Variants in NCAM2 observed in about 807,000 individuals in gnomAD.
The protein encoded by NCAM2 is neural cell adhesion molecule 2.
A neutral mutation model predicts 98.1 loss-of-function variants in NCAM2; 30 were observed. The observed-to-expected ratio is 0.31, with a 90% confidence interval of 0.23 to 0.41. The LOEUF (loss-of-function observed/expected upper bound fraction) is 0.41, where lower values mean the gene tolerates loss of function less well. Ranked by LOEUF, NCAM2 falls within the 10% of genes least tolerant of loss-of-function variation. The pLI, the probability that NCAM2 is intolerant of heterozygous loss-of-function variation, is 1.00. For missense variants in NCAM2, 867 were observed against 1,005.8 expected, an observed-to-expected ratio of 0.86 and a Z score of 1.87; for synonymous variants, 368 against 342.4, an observed-to-expected ratio of 1.07 and a Z score of -0.83.
At chr21:21,337,461 G>A (rs2074903679) in intron 7 of NCAM2, among the ~76,000 whole-genome samples, 1 of 151,906 alleles carries the variant, frequency 6.6e-6, no homozygotes, top group Non-Finnish European at 1.5e-5. Context: ...TCTGTATGCT[G>A]TTTTTCTGAT....
chr21:21,481,832 A>G (rs233755), intron 15 of NCAM2, among the ~76,000 whole-genome samples: 117,336 of 152,166 alleles, frequency 0.77, 46,064 homozygotes, highest in African/African-American at 0.87. Context: ...AGCCAGGCGC[A>G]GTGGCTCACG....
At chr21:21,124,454 A>G (rs2066744863) in intron 1 of NCAM2, among the ~76,000 whole-genome samples, 1 of 152,192 alleles carries the variant, frequency 6.6e-6, no homozygotes, top group African/African-American at 2.4e-5. Context: ...AAGCTGGAGT[A>G]GGCCTCTAAA....
intron 1 of NCAM2, among the ~76,000 whole-genome samples, chr21:21,194,986 A>G (rs769908009): frequency 6.6e-6 from 1 of 152,186 alleles, no homozygotes; most frequent in African/African-American, 2.4e-5. Context: ...TGATCTGTAT[A>G]TAAATTAGAA....
At chr21:21,020,873 A>G (rs1262687867) in intron 1 of NCAM2, among the ~76,000 whole-genome samples, 1 of 152,168 alleles carries the variant, frequency 6.6e-6, no homozygotes, top group African/African-American at 2.4e-5. Flanking sequence ...AGACTTCCCT[A>G]TCTTTATACC....
chr21:21,110,648 G>A (rs908481531), intron 1 of NCAM2, among the ~76,000 whole-genome samples: 1 of 150,794 alleles, frequency 6.6e-6, no homozygotes. Flanking sequence ...TGCCTTGTAT[G>A]AGTTATTTTT....
At position 21,254,037 on chromosome 21, in the gene NCAM2, CA is replaced by C. The variant is rs1252318828; in HGVS notation, c.56-26538del. The stretch of plus-strand genomic sequence containing the variant: ...CAAAAAGGAGAATATAACAATTTGT[CA>C]AACCAAAAACTTACACCAGAAAATA... On this transcript the variant is annotated intron_variant, in intron 1 of 17. Transcript: ENST00000400546. Among the ~76,000 whole-genome samples, 6 of 152,224 alleles carry C rather than the reference CA, an allele frequency of 3.9e-5. No individual in the cohort carries two copies. The East Asian group carries it at 1.2e-3, about 29-fold the overall frequency.
At chr21:21,388,577 C>A (rs142115867) in intron 9 of NCAM2, among the ~76,000 whole-genome samples, 1 of 152,270 alleles carries the variant, frequency 6.6e-6, no homozygotes, top group African/African-American at 2.4e-5. Flanking sequence ...AGTCCGGCAG[C>A]CACTTGTTAC....
intron 1 of NCAM2, among the ~76,000 whole-genome samples, chr21:21,136,622 T>TG (rs11381078): frequency 0.4 from 60,122 of 148,810 alleles, 12,689 homozygotes; most frequent in African/African-American, 0.53. Context: ...CCACCACGCC[T>TG]GTTTTTTGTT....
At chr21:21,401,334 T>G (rs2076626181) in intron 9 of NCAM2, among the ~76,000 whole-genome samples, 1 of 152,170 alleles carries the variant, frequency 6.6e-6, no homozygotes, top group African/African-American at 2.4e-5. Flanking sequence ...ACATTTGAAA[T>G]GTACTGTCTT....
intron 1 of NCAM2, among the ~76,000 whole-genome samples, chr21:21,238,531 A>C (rs1356341862): frequency 7.1e-6 from 1 of 141,046 alleles, no homozygotes; most frequent in Admixed American, 7.6e-5. Flanking sequence ...TGAAATCATA[A>C]AGATGTTCAT....
intron 1 of NCAM2, among the ~76,000 whole-genome samples, chr21:21,053,184 G>C (rs1272571513): frequency 6.6e-6 from 1 of 152,082 alleles, no homozygotes; most frequent in East Asian, 1.9e-4. Context: ...ATTTGCTTCT[G>C]AGTAAATATT....
chr21:21,204,658 A>G lies in NCAM2; in HGVS notation c.56-75920A>G, dbSNP rs77339427. On this transcript the variant is annotated intron_variant, in intron 1 of 17. Transcript: ENST00000400546. ...TCTACCATGAATATTTACATATACC[A>G]AAGTTCAACTGTCCACTTTATTTGA... Among the ~76,000 whole-genome samples the G allele has an allele frequency of 4.4e-3, 672 of 152,260 alleles. 9 individuals are homozygous for G. The highest frequency in any genetic ancestry group is 0.015 in the African/African-American group (630 of 41,570).
At chr21:21,087,491 C>T (rs1055953824) in intron 1 of NCAM2, among the ~76,000 whole-genome samples, 5 of 152,142 alleles carry the variant, frequency 3.3e-5, no homozygotes, top group Non-Finnish European at 7.3e-5. Context: ...CCTATTGGTC[C>T]TTTGGACTAA....
At chr21:21,531,457 C>A (rs1352382688) in intron 16 of NCAM2, among the ~76,000 whole-genome samples, 1 of 117,612 alleles carries the variant, frequency 8.5e-6, no homozygotes, top group Admixed American at 1.0e-4. Context: ...CTATTACCAT[C>A]TTTGTTTTAT....
intron 1 of NCAM2, among the ~76,000 whole-genome samples, chr21:21,024,789 A>G (rs546305867): frequency 6.6e-6 from 1 of 152,072 alleles, no homozygotes; most frequent in East Asian, 2.0e-4. Context: ...TGGGAAGCTG[A>G]GGCAGGAGAG....
In NCAM2 at chr21:20,998,466, C is replaced by G. The variant is rs546731230; in HGVS notation, c.-98C>G. 1 of 1,213,184 alleles carries G rather than the reference C, an allele frequency of 8.2e-7. No homozygotes were observed. Among genetic ancestry groups the G allele is most frequent in the Non-Finnish European group, 1.1e-6 (1 of 875,234 alleles). The allele number at this position is 1,213,184 out of a possible 1,614,324, so 75.2% of individuals were successfully genotyped here. Reference sequence around the variant, plus strand: ...GGCTGGGGCACCGCGGGAGCGGCGGCGGCGGCTCTAGCAGAGGCGGCCGGG... The same window carrying G: ...GGCTGGGGCACCGCGGGAGCGGCGGGGGCGGCTCTAGCAGAGGCGGCCGGG... On this transcript the variant is annotated 5_prime_UTR_variant, in exon 1 of 18. Transcript: ENST00000400546.
intron 1 of NCAM2, among the ~76,000 whole-genome samples, chr21:21,114,118 T>C (rs1462606040): frequency 6.6e-6 from 1 of 152,156 alleles, no homozygotes; most frequent in Non-Finnish European, 1.5e-5. Flanking sequence ...AAAAAAATTA[T>C]TTTCTACAGT....
intron 10 of NCAM2, among the ~76,000 whole-genome samples, chr21:21,414,488 T>TTTTTTA (rs2076948826): frequency 6.6e-6 from 1 of 150,530 alleles, no homozygotes; most frequent in Admixed American, 6.6e-5. Flanking sequence ...TTTTTTTTTT[T>TTTTTTA]GAGAGGGAGT....
intron 1 of NCAM2, among the ~76,000 whole-genome samples, chr21:21,176,180 C>T (rs1055152758): frequency 3.3e-5 from 5 of 152,144 alleles, no homozygotes; most frequent in Non-Finnish European, 5.9e-5. Flanking sequence ...ATTGGAAGCA[C>T]TAGGCTATTT....
Sources: allele counts gnomAD v4.1 joint callset (sites outside exome capture counted in the v4.1 genomes callset), GRCh38; gene constraint gnomAD v4.1.1; transcripts MANE v1.5; gene names NCBI Gene and HGNC (gene_info 2026-07-23, HGNC 2026-07-21).